Variants in MAPDA observed in about 807,000 individuals in gnomAD.
MAPDA encodes N6-Methyl-AMP deaminase, also known as N6,N6-dimethyl-AMP deaminase.
chr15:43,352,002 C>G, the MAPDA span: 1 of 1,492,854 alleles, frequency 6.7e-7, no homozygotes, highest in African/African-American at 1.4e-5. Context: ...CCTGCCATAT[C>G]CCACTTAGTA....
chr15:43,347,960 G>A, the MAPDA span, among the ~76,000 whole-genome samples: 1 of 152,132 alleles, frequency 6.6e-6, no homozygotes, highest in Non-Finnish European at 1.5e-5. Context: ...ACATCCTATG[G>A]CTGACCTAAC....
At chr15:43,345,369 A>AAAAAAAAAAAG in the MAPDA span, among the ~76,000 whole-genome samples, 1 of 145,024 alleles carries the variant, frequency 6.9e-6, no homozygotes. Flanking sequence ...AAAAAAAAAA[A>AAAAAAAAAAAG]AAATAGGACA....
chr15:43,345,757 A>T, the MAPDA span: 1 of 1,439,694 alleles, frequency 6.9e-7, no homozygotes, highest in Non-Finnish European at 9.7e-7. Flanking sequence ...AGTGAGATGT[A>T]TTACACGTAG....
At chr15:43,348,193 G>A in the MAPDA span, among the ~76,000 whole-genome samples, 2 of 152,200 alleles carry the variant, frequency 1.3e-5, no homozygotes, top group Non-Finnish European at 2.9e-5. Flanking sequence ...ACATTTTCAT[G>A]GTGATTGTGG....
At chr15:43,351,759 T>C in the MAPDA span, 4 of 1,547,452 alleles carry the variant, frequency 2.6e-6, no homozygotes, top group Non-Finnish European at 3.5e-6. Flanking sequence ...AGACTGATGA[T>C]AAGGGTGTTT....
At chr15:43,336,476 T>G in the MAPDA span, 2 of 590,386 alleles carry the variant, frequency 3.4e-6, no homozygotes, top group Non-Finnish European at 5.6e-6. Flanking sequence ...TTTGATTATC[T>G]TTCCAGATCA....
chr15:43,330,702 C>G, the MAPDA span: 4 of 480,448 alleles, frequency 8.3e-6, no homozygotes, highest in Non-Finnish European at 1.5e-5. Context: ...TTGCGGCTGA[C>G]CTTTCTTTGG....
At chr15:43,354,380 CA>C in the MAPDA span, 1 of 152,036 alleles carries the variant, frequency 6.6e-6, no homozygotes, top group African/African-American at 2.4e-5. Flanking sequence ...AGAAATTGCA[CA>C]GTAAAAACAT....
At chr15:43,336,601 T>G in the MAPDA span, 1,174 of 1,552,698 alleles carry the variant, frequency 7.6e-4, 3 homozygotes, top group Admixed American at 1.5e-3. Flanking sequence ...CTAGATTATG[T>G]TAAAACTTTT....
the MAPDA span, among the ~76,000 whole-genome samples, chr15:43,337,191 A>T: frequency 1.6e-3 from 235 of 147,766 alleles, no homozygotes; most frequent in Middle Eastern, 3.5e-3. Flanking sequence ...TAGGAGAATG[A>T]TGTGAACCCG....
At chr15:43,343,585 CTCTG>C in the MAPDA span, among the ~76,000 whole-genome samples, 701 of 152,296 alleles carry the variant, frequency 4.6e-3, 4 homozygotes, top group African/African-American at 0.016. Flanking sequence ...TCCTTTACCA[CTCTG>C]TCTAAAGTGC....
At chr15:43,349,437 C>G in the MAPDA span, 1 of 725,666 alleles carries the variant, frequency 1.4e-6, no homozygotes, top group East Asian at 1.0e-4. Flanking sequence ...GTCTGTTGAT[C>G]ATTACACACT....
chr15:43,330,657 A>G, the MAPDA span: 3 of 726,416 alleles, frequency 4.1e-6, no homozygotes, highest in Non-Finnish European at 6.4e-6. Context: ...CTCGCCAACC[A>G]GAATTGAGGA....
At chr15:43,343,467 C>G in the MAPDA span, among the ~76,000 whole-genome samples, 1 of 152,236 alleles carries the variant, frequency 6.6e-6, no homozygotes, top group South Asian at 2.1e-4. Flanking sequence ...CCTTCAGCAC[C>G]TTTGTTTAGT....
At chr15:43,339,567 G>A in the MAPDA span, among the ~76,000 whole-genome samples, 3 of 152,096 alleles carry the variant, frequency 2.0e-5, no homozygotes, top group Non-Finnish European at 2.9e-5. Context: ...GACTAATTAC[G>A]GCAGTTTGTC....
At chr15:43,344,731 G>A in the MAPDA span, among the ~76,000 whole-genome samples, 609 of 151,746 alleles carry the variant, frequency 4.0e-3, 1 homozygote, top group Middle Eastern at 0.02. Context: ...GCTTGAACCC[G>A]GGAGGTGGAG....
the MAPDA span, among the ~76,000 whole-genome samples, chr15:43,347,731 ATACT>A: frequency 6.6e-6 from 1 of 152,242 alleles, no homozygotes; most frequent in Non-Finnish European, 1.5e-5. Context: ...GCAGAAAATA[ATACT>A]TAGTCTACTT....
chr15:43,346,942 A>G, the MAPDA span: 1 of 1,121,776 alleles, frequency 8.9e-7, no homozygotes, highest in South Asian at 1.3e-5. Context: ...TATGTTGTTT[A>G]TTGGAATGGA....
the MAPDA span, chr15:43,352,522 T>C: frequency 6.6e-6 from 1 of 152,174 alleles, no homozygotes; most frequent in Admixed American, 6.5e-5. Flanking sequence ...GGAGAAACCC[T>C]GTCTCTACAA....
Sources: allele counts gnomAD v4.1 joint callset (sites outside exome capture counted in the v4.1 genomes callset), GRCh38; gene constraint gnomAD v4.1.1; transcripts MANE v1.5; gene names NCBI Gene and HGNC (gene_info 2026-07-23, HGNC 2026-07-21).